The following HACD2 variants were observed in gnomAD, a reference collection of about 807,000 sequenced individuals.
The protein encoded by HACD2 is very-long-chain (3R)-3-hydroxyacyl-CoA dehydratase 2.
A neutral mutation model predicts 31.0 loss-of-function variants in HACD2; 15 were observed. The observed-to-expected ratio is 0.48, with a 90% CI of 0.32 to 0.75. The LOEUF (loss-of-function observed/expected upper bound fraction) is 0.75. Ranked by LOEUF, HACD2 falls within the 30% of genes least tolerant of loss-of-function variation. The pLI is 0.03. For missense variants in HACD2, 283 were observed against 313.0 expected (o/e 0.90, Z 0.72); for synonymous variants, 115 against 122.2 (o/e 0.94, Z 0.39).
intron 4 of HACD2, among the ~76,000 whole-genome samples, chr3:123,521,822 T>C (rs1258687885): frequency 6.6e-6 from 1 of 152,160 alleles, no homozygotes; most frequent in Admixed American, 6.5e-5. Flanking sequence ...TATAAAGTGG[T>C]GGTAACATTG....
chr3:123,497,424 T>C (rs1003296104), intron 6 of HACD2, among the ~76,000 whole-genome samples: 16 of 152,146 alleles, frequency 1.1e-4, no homozygotes, highest in African/African-American at 3.6e-4. Context: ...GCCAGCCCTC[T>C]TGGGGCTCTC....
intron 4 of HACD2, among the ~76,000 whole-genome samples, chr3:123,527,193 G>C (rs1012569166): frequency 1.3e-5 from 2 of 152,068 alleles, no homozygotes; most frequent in African/African-American, 4.8e-5. Context: ...TGAGTTGTTG[G>C]TTAAAATGAA....
chr3:123,523,917 A>G (rs995023855), intron 4 of HACD2, among the ~76,000 whole-genome samples: 8 of 152,192 alleles, frequency 5.3e-5, no homozygotes, highest in African/African-American at 1.9e-4. Flanking sequence ...ATGATTTCAG[A>G]TCTTCCTCTG....
intron 2 of HACD2, among the ~76,000 whole-genome samples, chr3:123,579,025 G>C (rs1210521200): frequency 6.6e-6 from 1 of 152,156 alleles, no homozygotes; most frequent in African/African-American, 2.4e-5. Context: ...GCATGTTCCT[G>C]GGAGTCTTCA....
At chr3:123,546,430 T>A (rs1036383898) in intron 3 of HACD2, among the ~76,000 whole-genome samples, 2 of 152,210 alleles carry the variant, frequency 1.3e-5, no homozygotes, top group African/African-American at 4.8e-5. Flanking sequence ...GCTAAAACAC[T>A]AGCTTTCTTG....
At chr3:123,538,567 G>T (rs1048932201) in intron 3 of HACD2, among the ~76,000 whole-genome samples, 16 of 152,254 alleles carry the variant, frequency 1.1e-4, no homozygotes, top group South Asian at 4.1e-4. Flanking sequence ...AAGTACAGAG[G>T]TGCTTCTCTA....
At position 123,518,217 on chromosome 3, in the gene HACD2, A is replaced by T. The variant is rs1040764531; in HGVS notation, c.381+10169T>A. Among the ~76,000 whole-genome samples the T allele has an allele frequency of 1.3e-5, 2 of 151,858 alleles. 1 individual carries two copies. The highest frequency in any genetic ancestry group is 4.8e-5 in the African/African-American group (2 of 41,282). On this transcript the variant is annotated intron_variant, in intron 4 of 6. Transcript: ENST00000383657. ...AAAAAAAAAAAAAAAAAAAAAAAAA[A>T]AATATTTGAATCAGTTTTTAAAAAT...
Position 123,498,839 on chromosome 3 carries a change from C to T in HACD2, c.682+1676G>A, listed in dbSNP as rs73857646. On this transcript the variant is annotated intron_variant, in intron 6 of 6. Coordinates refer to ENST00000383657, the MANE Select transcript of HACD2 (RefSeq NM_198402.5). Reference sequence around the variant, plus strand: ...CTCAGGAACGCTATCATCATGGAGGCTGCGTGTGGTACCCAGGCACTGCCA... The same window carrying T: ...CTCAGGAACGCTATCATCATGGAGGTTGCGTGTGGTACCCAGGCACTGCCA... Among the ~76,000 whole-genome samples, 767 of 152,288 alleles carry T rather than the reference C, an allele frequency of 5.0e-3. 6 individuals are homozygous for T. The highest frequency in any genetic ancestry group is 0.018 in the African/African-American group (748 of 41,556).
intron 3 of HACD2, among the ~76,000 whole-genome samples, chr3:123,536,241 G>T (rs1419063749): frequency 3.3e-5 from 5 of 152,128 alleles, no homozygotes; most frequent in African/African-American, 1.2e-4. Flanking sequence ...GTAGAAAAAT[G>T]TGTAAAACAG....
chr3:123,538,737 T>C (rs1260355108), intron 3 of HACD2, among the ~76,000 whole-genome samples: 1 of 152,210 alleles, frequency 6.6e-6, no homozygotes, highest in Non-Finnish European at 1.5e-5. Context: ...TTTTACGATG[T>C]GAGTATGTGC....
intron 4 of HACD2, among the ~76,000 whole-genome samples, chr3:123,524,427 A>C (rs1439197191): frequency 2.0e-5 from 3 of 152,192 alleles, no homozygotes; most frequent in Non-Finnish European, 4.4e-5. Context: ...ATCTCAGAGC[A>C]CTTGAGCAGT....
intron 3 of HACD2, among the ~76,000 whole-genome samples, chr3:123,539,692 C>T (rs1300161566): frequency 6.6e-6 from 1 of 151,978 alleles, no homozygotes; most frequent in Non-Finnish European, 1.5e-5. Flanking sequence ...AAGGCCTGTG[C>T]ACCTGTTTGA....
At chr3:123,565,249 T>A (rs1457163973) in intron 3 of HACD2, among the ~76,000 whole-genome samples, 1 of 152,164 alleles carries the variant, frequency 6.6e-6, no homozygotes, top group Non-Finnish European at 1.5e-5. Context: ...GGATTTGGGG[T>A]ATTAAAATAA....
intron 3 of HACD2, among the ~76,000 whole-genome samples, chr3:123,533,133 A>G (rs954720447): frequency 5.9e-5 from 9 of 152,336 alleles, no homozygotes; most frequent in African/African-American, 1.9e-4. Context: ...TGTGGAATAT[A>G]GATAGACAAG....
At chr3:123,580,541 T>C (rs536735770) in intron 2 of HACD2, among the ~76,000 whole-genome samples, 1 of 151,980 alleles carries the variant, frequency 6.6e-6, no homozygotes, top group Non-Finnish European at 1.5e-5. Context: ...CTCAGTGCTT[T>C]GGGAGGCTGA....
At chr3:123,502,108 T>C (rs1264931344) in intron 5 of HACD2, among the ~76,000 whole-genome samples, 1 of 152,182 alleles carries the variant, frequency 6.6e-6, no homozygotes, top group Non-Finnish European at 1.5e-5. Flanking sequence ...ACATGTAATG[T>C]TTGTCATTAC....
intron 3 of HACD2, among the ~76,000 whole-genome samples, chr3:123,562,113 A>G (rs1372425710): frequency 2.6e-5 from 4 of 152,158 alleles, no homozygotes; most frequent in Non-Finnish European, 4.4e-5. Flanking sequence ...CGACTGGCCT[A>G]TTTTTTAAAA....
intron 4 of HACD2, among the ~76,000 whole-genome samples, chr3:123,511,920 G>T (rs1264694002): frequency 1.3e-5 from 2 of 152,134 alleles, no homozygotes; most frequent in African/African-American, 4.8e-5. Context: ...TGATCTGCTG[G>T]TGAAGAGCCC....
In HACD2 at chr3:123,584,983, G is replaced by A. The variant is rs1472526745; in HGVS notation, c.45C>T (p.Gly15=). The A allele has an allele frequency of 2.1e-6, 3 of 1,428,202 alleles. No homozygotes were observed. Among genetic ancestry groups the A allele is most frequent in the East Asian group, 5.7e-5 (2 of 35,044 alleles). The allele number at this position is 1,428,202 out of a possible 1,614,324, so 88.5% of individuals were successfully genotyped here. A position where few individuals can be genotyped will look rare whatever the true frequency, so the allele number is the denominator to read the frequency against. Residue 15 remains glycine (G), a synonymous_variant, in exon 1 of 7, where the codon GGC becomes GGT. Coordinates refer to ENST00000383657, the MANE Select transcript of HACD2 (RefSeq NM_198402.5). ...CCCCGGCCCCGGCCCTGCCACCGCC[G>A]CCCCCATTCCCCTTCGCTGCTGCAG... ...AATAAAKGNG[G]GGGRAGAGDA...
Sources: gnomAD v4.1 joint callset for allele counts (sites outside exome capture counted in the v4.1 genomes callset) on GRCh38, gnomAD v4.1.1 for gene constraint, MANE v1.5 for transcripts, NCBI Gene and HGNC (gene_info 2026-07-23, HGNC 2026-07-21) for gene names.